Variants in PLA2G2D observed in about 807,000 individuals in gnomAD.
PLA2G2D encodes phospholipase A2 group IID.
A neutral mutation model predicts 13.9 loss-of-function variants in PLA2G2D; 17 were observed. That is an observed-to-expected ratio of 1.23 (90% CI 0.84 to 1.84). The LOEUF (loss-of-function observed/expected upper bound fraction) is 1.84. Ranked by LOEUF, PLA2G2D falls within the 40% of genes most tolerant of loss-of-function variation. The probability of loss-of-function intolerance (pLI) is 0.00; values close to 1 mark genes in which losing one functional copy is unlikely to be tolerated. For missense variants in PLA2G2D, 194 were observed against 178.7 expected (o/e 1.09, Z -0.49); for synonymous variants, 83 against 69.3 (o/e 1.20, Z -0.98).
In PLA2G2D at chr1:20,112,804, A is replaced by G. The variant is rs2016911544; in HGVS notation, c.*1310T>C. 6.6e-6 allele frequency: 1 copy of G among 152,226 alleles called. No individual in the cohort carries two copies. The highest frequency in any genetic ancestry group is 1.5e-5 in the Non-Finnish European group (1 of 68,116). 9.4% of individuals were successfully genotyped at this position (152,226 alleles called of 1,614,324 possible). A position where few individuals can be genotyped will look rare whatever the true frequency, so the allele number is the denominator to read the frequency against. The stretch of plus-strand genomic sequence containing the variant: ...ATCCCAGGAACAATTTGAGAGTGTC[A>G]TTCAACCCAGACAATCCTGCACAGA... On this transcript the variant is annotated 3_prime_UTR_variant, in exon 4 of 4. Coordinates refer to ENST00000375105, the MANE Select transcript of PLA2G2D (RefSeq NM_012400.4).
In PLA2G2D at chr1:20,113,856, G is replaced by C. The variant is rs1216700344; in HGVS notation, c.*258C>G. Reference sequence around the variant, plus strand: ...ACCCCTCCCCCACCCCGATGCTTTGGTCCAAACACCACCTCTGAGGGCTCC... The same window carrying C: ...ACCCCTCCCCCACCCCGATGCTTTGCTCCAAACACCACCTCTGAGGGCTCC... On this transcript the variant is annotated 3_prime_UTR_variant, in exon 4 of 4. Transcript: ENST00000375105. The C allele has an allele frequency of 2.4e-6, 1 of 413,842 alleles. No individual in the cohort carries two copies. The highest frequency in any genetic ancestry group is 4.3e-6 in the Non-Finnish European group (1 of 231,042). 25.6% of individuals were successfully genotyped at this position (413,842 alleles called of 1,614,324 possible). A position where few individuals can be genotyped will look rare whatever the true frequency, so the allele number is the denominator to read the frequency against.
intron 1 of PLA2G2D, among the ~76,000 whole-genome samples, chr1:20,119,042 A>T (rs576580529): frequency 2.6e-5 from 4 of 152,258 alleles, no homozygotes; most frequent in African/African-American, 9.6e-5. Flanking sequence ...AGTCAAGGGA[A>T]CCCTCTTCCC....
At position 20,113,976 on chromosome 1, in the gene PLA2G2D, G is replaced by A; in HGVS notation, c.*138C>T. On this transcript the variant is annotated 3_prime_UTR_variant, in exon 4 of 4. Coordinates refer to ENST00000375105, the MANE Select transcript of PLA2G2D (RefSeq NM_012400.4). ...TTCGGAAAGCTTCAGAAGGTCAGAA[G>A]GCATTGGTAGAGGGTTCCGGGGGAG... 2 of 681,566 alleles carry A rather than the reference G, an allele frequency of 2.9e-6. No homozygotes were observed. Among genetic ancestry groups the A allele is most frequent in the Non-Finnish European group, 5.0e-6 (2 of 399,364 alleles). The allele number at this position is 681,566 out of a possible 1,614,324, so 42.2% of individuals were successfully genotyped here.
Position 20,114,140 on chromosome 1 carries a change from A to C in PLA2G2D, c.412T>G (p.Cys138Gly), listed in dbSNP as rs1557766944. 1.9e-6 allele frequency: 3 copies of C among 1,613,636 alleles called. No individual in the cohort carries two copies. The highest frequency in any genetic ancestry group is 2.7e-5 in the African/African-American group (2 of 75,044). Residue 138 changes from cysteine (C) to glycine (G), a missense_variant, in exon 4 of 4, where the codon TGC becomes GGC. Transcript: ENST00000375105. ...TAGCACCCAGGGGTCTGCCCCCGGCAGTGGGGCCGCCAGTAGAAACGCAGT... is the reference window on the plus strand; with the variant it reads ...TAGCACCCAGGGGTCTGCCCCCGGCCGTGGGGCCGCCAGTAGAAACGCAGT... ...KRLRFYWRPH[C>G]RGQTPGC
Position 20,116,386 on chromosome 1 carries a change from G to T in PLA2G2D, c.132C>A (p.Tyr44Ter). 1 of 1,614,138 alleles carries T rather than the reference G, an allele frequency of 6.2e-7. No homozygotes were observed. The highest frequency in any genetic ancestry group is 8.5e-7 in the Non-Finnish European group (1 of 1,179,950). ...GKMPILSYWP[Y>*]GCHCGLGGRG... ...TGCCACCTAGTCCGCAGTGACAGCC[G>T]TAGGGCCAGTAGGAGAGGATGGGCA... Residue 44 changes from tyrosine (Y) to a stop codon, truncating the protein, a stop_gained, in exon 2 of 4, where the codon TAC becomes TAA. Transcript: ENST00000375105. LOFTEE classifies it high-confidence loss of function.
chr1:20,118,230 C>T (rs1569873416), intron 1 of PLA2G2D, among the ~76,000 whole-genome samples: 1 of 152,124 alleles, frequency 6.6e-6, no homozygotes, highest in East Asian at 1.9e-4. Context: ...TAAATATAGC[C>T]CTTTCAATCT....
rs370896158 is a variant in PLA2G2D at position 20,116,339 on chromosome 1, G to A, written c.179C>T (p.Thr60Met). ...LGGRGQPKDA[T>M]DWCCQTHDCC... ...GCCCTGAGAAAGGAGTTACCAGTCCGTGGCATCTTTGGGTTGGCCTCTGCC... is the reference window on the plus strand; with the variant it reads ...GCCCTGAGAAAGGAGTTACCAGTCCATGGCATCTTTGGGTTGGCCTCTGCC... Residue 60 changes from threonine to methionine, a missense_variant, in exon 2 of 4, where the codon ACG (threonine) becomes ATG (methionine). Coordinates refer to ENST00000375105, the MANE Select transcript of PLA2G2D (RefSeq NM_012400.4). 1.1e-5 allele frequency: 17 copies of A among 1,614,024 alleles called. No homozygotes were observed. The highest frequency in any genetic ancestry group is 5.0e-5 in the Admixed American group (3 of 60,014).
chr1:20,115,421 G>T, intron 3 of PLA2G2D, 86 bp downstream of exon 3: 1 of 823,430 alleles, frequency 1.2e-6, no homozygotes, highest in Non-Finnish European at 2.1e-6. Flanking sequence ...AAACAGAGAG[G>T]TCAAGTAGCT....
At position 20,116,374 on chromosome 1, in the gene PLA2G2D, G is replaced by T. The variant is rs181787831; in HGVS notation, c.144C>A (p.Cys48Ter). Residue 48 changes from cysteine (C) to a stop codon, truncating the protein, a stop_gained, in exon 2 of 4, where the codon TGC becomes TGA. Transcript: ENST00000375105. LOFTEE classifies it high-confidence loss of function. ...TGGGTTGGCCTCTGCCACCTAGTCC[G>T]CAGTGACAGCCGTAGGGCCAGTAGG... ...ILSYWPYGCH[C>*]GLGGRGQPKD... The T allele has an allele frequency of 2.5e-6, 4 of 1,614,016 alleles. No individual in the cohort carries two copies. The highest frequency in any genetic ancestry group is 1.7e-5 in the Admixed American group (1 of 60,010).
At position 20,111,959 on chromosome 1, in the gene PLA2G2D, T is replaced by C. The variant is rs2016893652; in HGVS notation, c.*2155A>G. On this transcript the variant is annotated 3_prime_UTR_variant, in exon 4 of 4. Coordinates refer to ENST00000375105, the MANE Select transcript of PLA2G2D (RefSeq NM_012400.4). ...TTTTATTTTATTTTATTTTATTTTATTTTATTTTATTTTATTTTATTTTTT... is the reference window on the plus strand; with the variant it reads ...TTTTATTTTATTTTATTTTATTTTACTTTATTTTATTTTATTTTATTTTTT... 6.7e-6 allele frequency: 1 copy of C among 149,062 alleles called. No homozygotes were observed. Among genetic ancestry groups the C allele is most frequent in the African/African-American group, 2.5e-5 (1 of 40,498 alleles). The allele number at this position is 149,062 out of a possible 1,614,324, so 9.2% of individuals were successfully genotyped here.
intron 1 of PLA2G2D, among the ~76,000 whole-genome samples, chr1:20,117,022 G>T (rs760967199): frequency 6.6e-6 from 1 of 151,988 alleles, no homozygotes; most frequent in East Asian, 2.0e-4. Flanking sequence ...TTGATTTCTC[G>T]ACTCCATCTG....
chr1:20,114,779 G>A (rs906921204), intron 3 of PLA2G2D, among the ~76,000 whole-genome samples: 1 of 152,168 alleles, frequency 6.6e-6, no homozygotes, highest in African/African-American at 2.4e-5. Context: ...GGCAAGAGTT[G>A]CCTAGGGGGC....
intron 2 of PLA2G2D, among the ~76,000 whole-genome samples, 172 bp downstream of exon 2, chr1:20,116,161 A>G (rs1288936164): frequency 6.6e-6 from 1 of 152,194 alleles, no homozygotes; most frequent in African/African-American, 2.4e-5. Flanking sequence ...AACCTTCTGG[A>G]AGGCAAGCTC....
At chr1:20,115,167 G>A (rs1249558729) in intron 3 of PLA2G2D, among the ~76,000 whole-genome samples, 1 of 152,194 alleles carries the variant, frequency 6.6e-6, no homozygotes, top group Non-Finnish European at 1.5e-5. Context: ...TATTATGGCA[G>A]GCATCCTGTG....
In PLA2G2D at chr1:20,119,452, G is replaced by A. The variant is rs752401775; in HGVS notation, c.40+7C>T. 13 of 1,612,776 alleles carry A rather than the reference G, an allele frequency of 8.1e-6. No individual in the cohort carries two copies. The highest frequency in any genetic ancestry group is 2.2e-5 in the East Asian group (1 of 44,868). On this transcript the variant is annotated splice_region_variant and intron_variant, in intron 1 of 3. Transcript: ENST00000375105. ...CCTTCCCAGCCTGGGTCCCGTCCCC[G>A]ACTCACCAGCCATCACCACCAGCCC...
chr1:20,114,216 G>A lies in PLA2G2D; in HGVS notation c.336C>T (p.Asp112=). Residue 112 remains aspartate (D), a synonymous_variant, in exon 4 of 4, where the codon GAC becomes GAT. Transcript: ENST00000375105. ...SWCEQQLCAC[D]KEVAFCLKRN... ...GCTTCAGGCAGAAGGCCACCTCCTT[G>A]TCACAGGCACACAGCTGCTGCTCAC... 1 of 1,614,090 alleles carries A rather than the reference G, an allele frequency of 6.2e-7. No individual in the cohort carries two copies. The highest frequency in any genetic ancestry group is 8.5e-7 in the Non-Finnish European group (1 of 1,179,970).
intron 1 of PLA2G2D, among the ~76,000 whole-genome samples, chr1:20,118,376 C>T (rs2017029263): frequency 6.6e-6 from 1 of 152,150 alleles, no homozygotes; most frequent in African/African-American, 2.4e-5. Flanking sequence ...GAGGAGGACC[C>T]AGCCTGAGAA....
intron 1 of PLA2G2D, among the ~76,000 whole-genome samples, chr1:20,118,633 G>A (rs933001355): frequency 6.6e-6 from 1 of 152,192 alleles, no homozygotes; most frequent in Non-Finnish European, 1.5e-5. Flanking sequence ...CCCTCTAACA[G>A]CCCTGTGAAG....
chr1:20,117,112 T>C (rs1036969112), intron 1 of PLA2G2D, among the ~76,000 whole-genome samples: 2 of 152,214 alleles, frequency 1.3e-5, no homozygotes, highest in Admixed American at 6.5e-5. Flanking sequence ...GTTGCAAAGA[T>C]AGAAAGCTCC....
Sources: gnomAD v4.1 joint callset for allele counts (sites outside exome capture counted in the v4.1 genomes callset) on GRCh38, gnomAD v4.1.1 for gene constraint, MANE v1.5 for transcripts, NCBI Gene and HGNC (gene_info 2026-07-23, HGNC 2026-07-21) for gene names.